Variants in ILDR2 observed in about 807,000 individuals in gnomAD.
ILDR2 encodes the protein immunoglobulin-like domain-containing receptor 2.
ILDR2 carries 25 observed loss-of-function variants against 66.8 expected under a neutral mutation model. That is an observed-to-expected ratio of 0.37 (90% CI 0.27 to 0.52). The LOEUF (loss-of-function observed/expected upper bound fraction) is 0.52. ILDR2 is among the 20% of genes least tolerant of loss of function. ILDR2 has a pLI of 0.88. For missense variants in ILDR2, 827 were observed against 876.8 expected, an observed-to-expected ratio of 0.94 and a Z score of 0.72; for synonymous variants, 367 against 357.2, an observed-to-expected ratio of 1.03 and a Z score of -0.31.
rs751318587 is a variant in ILDR2, at chr1:166,919,209, G to A, written c.*146C>T. 2 of 720,282 alleles carry A rather than the reference G, an allele frequency of 2.8e-6. No homozygotes were observed. Among genetic ancestry groups the A allele is most frequent in the Non-Finnish European group, 4.8e-6 (2 of 414,690 alleles). 44.6% of individuals were successfully genotyped at this position (720,282 alleles called of 1,614,324 possible). On this transcript the variant is annotated 3_prime_UTR_variant, in exon 10 of 10. Transcript: ENST00000271417. ...TTGAAATCAGCCTCCCTTAAAGGCT[G>A]CCTGCCATCCCTTGCCAAAGCAGAG...
At chr1:166,922,287 T>A (rs1050688454) in intron 8 of ILDR2, among the ~76,000 whole-genome samples, 1 of 151,654 alleles carries the variant, frequency 6.6e-6, no homozygotes, top group Admixed American at 6.6e-5. Context: ...AGATGATGGG[T>A]GGGATTTTGT....
rs1659743269 is a variant in ILDR2, at chr1:166,918,920, C to T, written c.*435G>A. 1 of 253,844 alleles carries T rather than the reference C, an allele frequency of 3.9e-6. No individual in the cohort carries two copies. The highest frequency in any genetic ancestry group is 7.4e-6 in the Non-Finnish European group (1 of 134,828). 15.7% of individuals were successfully genotyped at this position (253,844 alleles called of 1,614,324 possible). ...CTATCTTCCCTTGTCAGAAGAAGGC[C>T]TTCTAATAGTAGTAATAAATTCTTC... On this transcript the variant is annotated 3_prime_UTR_variant, in exon 10 of 10. Coordinates refer to ENST00000271417, the MANE Select transcript of ILDR2 (RefSeq NM_199351.3).
In ILDR2 at chr1:166,936,544, G is replaced by A; in HGVS notation, c.703+47C>T. On this transcript the variant is annotated intron_variant, in intron 5 of 9. Coordinates refer to ENST00000271417, the MANE Select transcript of ILDR2 (RefSeq NM_199351.3). The surrounding 1 kb of genome is among the most constrained non-coding windows in gnomAD (Gnocchi z 5.0). ...CACACAGCTGTCAGGTAGAGAGGTA[G>A]ACATTTCTCTCGATCGCTCTGTCTC... 1 of 1,612,998 alleles carries A rather than the reference G, an allele frequency of 6.2e-7. No individual in the cohort carries two copies. Among genetic ancestry groups the A allele is most frequent in the Non-Finnish European group, 8.5e-7 (1 of 1,179,398 alleles).
intron 6 of ILDR2, 26 bp from the exon 7 acceptor site, chr1:166,927,206 A>T (rs778379083): frequency 6.7e-7 from 1 of 1,500,346 alleles, no homozygotes; most frequent in Non-Finnish European, 9.2e-7. Flanking sequence ...CAAGAAGGTG[A>T]GCTGAAAAAG....
rs1659636645 is a variant in ILDR2 at position 166,916,188 on chromosome 1, G to A, written c.*3167C>T. 1 of 152,158 alleles carries A rather than the reference G, an allele frequency of 6.6e-6. No individual in the cohort carries two copies. Among genetic ancestry groups the A allele is most frequent in the Non-Finnish European group, 1.5e-5 (1 of 68,052 alleles). 9.4% of individuals were successfully genotyped at this position (152,158 alleles called of 1,614,324 possible). ...TATGCATCATCCCCCTGGGACCCCTGCTGCTCACCCTTTCCCGATCCTAAT... is the reference window on the plus strand; with the variant it reads ...TATGCATCATCCCCCTGGGACCCCTACTGCTCACCCTTTCCCGATCCTAAT... On this transcript the variant is annotated 3_prime_UTR_variant, in exon 10 of 10. Coordinates refer to ENST00000271417, the MANE Select transcript of ILDR2 (RefSeq NM_199351.3).
intron 3 of ILDR2, chr1:166,943,925 A>C: frequency 1.3e-5 from 11 of 817,848 alleles, no homozygotes; most frequent in Non-Finnish European, 1.6e-5. Context: ...CTATCAGAGG[A>C]AAATACAGTT....
chr1:166,953,926 G>A (rs1316857013), intron 3 of ILDR2, among the ~76,000 whole-genome samples: 1 of 152,144 alleles, frequency 6.6e-6, no homozygotes, highest in African/African-American at 2.4e-5. Context: ...GTTAATGTTA[G>A]ATGTCTCCAG....
intron 4 of ILDR2, among the ~76,000 whole-genome samples, chr1:166,937,856 C>T (rs550554154): frequency 8.7e-4 from 133 of 152,326 alleles, no homozygotes; most frequent in Middle Eastern, 6.8e-3. Flanking sequence ...CTCAAGCACA[C>T]ATTGTTTTTC....
At chr1:166,974,455 G>T (rs1663476241) in intron 1 of ILDR2, among the ~76,000 whole-genome samples, 1 of 152,216 alleles carries the variant, frequency 6.6e-6, no homozygotes. Context: ...CACCAAAAAG[G>T]AGGGGAGGGC....
intron 2 of ILDR2, among the ~76,000 whole-genome samples, chr1:166,899,119 C>T (rs1376291945): frequency 1.3e-5 from 2 of 151,858 alleles, no homozygotes; most frequent in Non-Finnish European, 2.9e-5. Flanking sequence ...TGGCCGGGCG[C>T]AATGGCTCAC....
chr1:166,952,375 TAAA>T lies in ILDR2; in HGVS notation c.499+4355_499+4357del, dbSNP rs1662030213. Among the ~76,000 whole-genome samples, 13 of 152,372 alleles carry T rather than the reference TAAA, an allele frequency of 8.5e-5. No individual in the cohort carries two copies. The South Asian group carries it at 2.5e-3, about 29-fold the overall frequency. On this transcript the variant is annotated intron_variant, in intron 3 of 9. Coordinates refer to ENST00000271417, the MANE Select transcript of ILDR2 (RefSeq NM_199351.3). ...TCTAAGATACCTGTCACTGTCATCT[TAAA>T]GCACCAAAACACTATGCATTTCCAT... is the stretch of plus-strand genomic sequence containing the variant.
intron 4 of ILDR2, among the ~76,000 whole-genome samples, chr1:166,938,941 G>A (rs762946951): frequency 6.6e-6 from 1 of 152,180 alleles, no homozygotes; most frequent in Non-Finnish European, 1.5e-5. Flanking sequence ...GTTCGTCCCA[G>A]ATGTCCTTCA....
At position 166,927,196 on chromosome 1, in the gene ILDR2, CAAG is replaced by C. The variant is rs1660352200; in HGVS notation, c.881-19_881-17del. 1 of 1,567,068 alleles carries C rather than the reference CAAG, an allele frequency of 6.4e-7. No individual in the cohort carries two copies. Among genetic ancestry groups the C allele is most frequent in the Non-Finnish European group, 8.7e-7 (1 of 1,143,884 alleles). ...CCTTTGCGAACTGTTGAGAAAAGCA[CAAG>C]AAGGTGAGCTGAAAAAGGAAAATAT... On this transcript the variant is annotated splice_polypyrimidine_tract_variant and intron_variant, in intron 6 of 9. Coordinates refer to ENST00000271417, the MANE Select transcript of ILDR2 (RefSeq NM_199351.3).
chr1:166,970,396 T>A (rs952936709), intron 1 of ILDR2, among the ~76,000 whole-genome samples: 4 of 152,228 alleles, frequency 2.6e-5, no homozygotes, highest in Non-Finnish European at 5.9e-5. Flanking sequence ...AGGAATCATG[T>A]ACCTGTCACT....
In ILDR2 at chr1:166,908,400, A is replaced by C. The variant is rs1659391548; in HGVS notation, c.*10955T>G. Reference sequence around the variant, plus strand: ...AATTCCATCATAAGAGCTCCACCCTACTGACCTAATCACCTCCCAAAGGCC... The same window carrying C: ...AATTCCATCATAAGAGCTCCACCCTCCTGACCTAATCACCTCCCAAAGGCC... On this transcript the variant is annotated 3_prime_UTR_variant, in exon 10 of 10. Transcript: ENST00000271417. 6.6e-6 allele frequency: 1 copy of C among 152,140 alleles called. No individual in the cohort carries two copies. Among genetic ancestry groups the C allele is most frequent in the Non-Finnish European group, 1.5e-5 (1 of 68,022 alleles). The allele number at this position is 152,140 out of a possible 1,614,324, so 9.4% of individuals were successfully genotyped here.
At chr1:166,965,384 T>C (rs1662876965) in intron 1 of ILDR2, among the ~76,000 whole-genome samples, 1 of 152,128 alleles carries the variant, frequency 6.6e-6, no homozygotes, top group Non-Finnish European at 1.5e-5. Flanking sequence ...ATTTTGTATA[T>C]GAAACAAAGT....
intron 3 of ILDR2, among the ~76,000 whole-genome samples, chr1:166,942,211 T>G (rs1396418807): frequency 6.6e-6 from 1 of 152,250 alleles, no homozygotes; most frequent in Non-Finnish European, 1.5e-5. Flanking sequence ...TCTCAAAGTA[T>G]TCTAGTTTGG....
intron 1 of ILDR2, among the ~76,000 whole-genome samples, chr1:166,963,895 G>A (rs920126782): frequency 6.6e-6 from 1 of 152,146 alleles, no homozygotes; most frequent in African/African-American, 2.4e-5. Flanking sequence ...CAACAGGAAG[G>A]CTGGGCCTCC....
intron 8 of ILDR2, 127 bp downstream of exon 8, chr1:166,922,466 T>G: frequency 1.4e-6 from 1 of 721,230 alleles, no homozygotes; most frequent in Non-Finnish European, 2.5e-6. Context: ...GAAAGAGAGA[T>G]GTGTCAGGAT....
Sources: gnomAD v4.1 joint callset for allele counts (sites outside exome capture counted in the v4.1 genomes callset) on GRCh38, gnomAD v4.1.1 for gene constraint, Gnocchi (gnomAD v3.1) non-coding constraint, MANE v1.5 for transcripts, NCBI Gene and HGNC (gene_info 2026-07-23, HGNC 2026-07-21) for gene names.